Variants in PDE10A observed in about 807,000 individuals in gnomAD.
The protein encoded by PDE10A is phosphodiesterase 10A, also known as cAMP and cAMP-inhibited cGMP 3',5'-cyclic phosphodiesterase 10A.
In PDE10A, 39 loss-of-function variants were observed where a neutral mutation model predicts 97.7. The observed-to-expected ratio is 0.40, with a 90% CI of 0.31 to 0.52. The LOEUF (loss-of-function observed/expected upper bound fraction) is 0.52, where lower values mean the gene tolerates loss of function less well. Ranked by LOEUF, PDE10A falls within the 20% of genes least tolerant of loss-of-function variation. The probability of loss-of-function intolerance (pLI) is 0.56; values close to 1 mark genes in which losing one functional copy is unlikely to be tolerated. For missense variants in PDE10A, 731 were observed against 1,047.8 expected (o/e 0.70, Z 4.17); for synonymous variants, 371 against 376.8 (o/e 0.98, Z 0.18).
At chr6:165,405,219 T>C (rs1205267048) in intron 13 of PDE10A, among the ~76,000 whole-genome samples, 2 of 152,202 alleles carry the variant, frequency 1.3e-5, no homozygotes, top group Admixed American at 6.5e-5. Flanking sequence ...AGACAACTGG[T>C]GTCCTAAGGT....
intron 2 of PDE10A, among the ~76,000 whole-genome samples, chr6:165,523,145 C>T (rs954036531): frequency 6.6e-6 from 1 of 152,144 alleles, no homozygotes; most frequent in South Asian, 2.1e-4. Flanking sequence ...ACTGAAAATT[C>T]TATGCTTATG....
At chr6:165,333,394 G>A (rs1049399181) in intron 21 of PDE10A, among the ~76,000 whole-genome samples, 45 of 152,158 alleles carry the variant, frequency 3.0e-4, no homozygotes, top group Non-Finnish European at 2.6e-4. Flanking sequence ...CTCAGCATAC[G>A]TCCTTTCTTA....
At chr6:165,945,224 C>T (rs1014362476) in intron 1 of PDE10A, among the ~76,000 whole-genome samples, 17 of 152,126 alleles carry the variant, frequency 1.1e-4, no homozygotes, top group African/African-American at 3.9e-4. Flanking sequence ...AGCCATGTGC[C>T]GTGAACCACC....
At chr6:165,385,659 CA>C in intron 17 of PDE10A, among the ~76,000 whole-genome samples, 1 of 151,852 alleles carries the variant, frequency 6.6e-6, no homozygotes, top group Non-Finnish European at 1.5e-5. Flanking sequence ...TAGATGAATC[CA>C]AAAAAACACT....
intron 15 of PDE10A, among the ~76,000 whole-genome samples, chr6:165,393,430 C>T (rs970794521): frequency 6.6e-6 from 1 of 150,930 alleles, no homozygotes; most frequent in East Asian, 1.9e-4. Context: ...TTATTTAAGA[C>T]CCTACAAACT....
intron 1 of PDE10A, among the ~76,000 whole-genome samples, chr6:165,689,730 C>T (rs1791220102): frequency 6.6e-6 from 1 of 152,168 alleles, no homozygotes; most frequent in African/African-American, 2.4e-5. Flanking sequence ...GTACAGCCTC[C>T]AGAACCATGA....
chr6:165,953,361 C>T (rs558612105), intron 1 of PDE10A, among the ~76,000 whole-genome samples: 48 of 152,236 alleles, frequency 3.2e-4, no homozygotes, highest in Middle Eastern at 3.4e-3. Flanking sequence ...GAGGCCGAGG[C>T]GGGCGAATCA....
At chr6:165,369,908 A>T (rs1446911767) in intron 18 of PDE10A, among the ~76,000 whole-genome samples, 8 of 151,962 alleles carry the variant, frequency 5.3e-5, no homozygotes, top group African/African-American at 1.9e-4. Context: ...GCCAGAAGAG[A>T]GTGGGGGCCA....
intron 5 of PDE10A, among the ~76,000 whole-genome samples, chr6:165,442,100 A>T (rs754514569): frequency 6.6e-6 from 1 of 152,188 alleles, no homozygotes; most frequent in Non-Finnish European, 1.5e-5. Context: ...CACTGCTAGA[A>T]AGAACTACCT....
chr6:165,837,561 A>ATT, intron 1 of PDE10A, among the ~76,000 whole-genome samples: 2 of 152,236 alleles, frequency 1.3e-5, no homozygotes, highest in Admixed American at 1.3e-4. Context: ...TTTAGAAAAA[A>ATT]TGGATTCATC....
intron 1 of PDE10A, among the ~76,000 whole-genome samples, chr6:165,918,123 G>A (rs1017650771): frequency 6.6e-6 from 1 of 152,126 alleles, no homozygotes; most frequent in Non-Finnish European, 1.5e-5. Context: ...TTGTTTAACC[G>A]CAATGGTCTC....
At chr6:165,968,880 C>T (rs554745120) in intron 1 of PDE10A, among the ~76,000 whole-genome samples, 2 of 152,310 alleles carry the variant, frequency 1.3e-5, no homozygotes, top group South Asian at 2.1e-4. Flanking sequence ...CGGGCTTGAA[C>T]CTGCACCCTG....
At chr6:165,450,914 T>C (rs1419282028) in intron 3 of PDE10A, among the ~76,000 whole-genome samples, 1 of 152,216 alleles carries the variant, frequency 6.6e-6, no homozygotes, top group Non-Finnish European at 1.5e-5. Flanking sequence ...CCTATATATA[T>C]TAAAATAGTA....
chr6:165,393,402 AT>A (rs1785877932), intron 15 of PDE10A, among the ~76,000 whole-genome samples: 1 of 151,448 alleles, frequency 6.6e-6, no homozygotes, highest in African/African-American at 2.4e-5. Context: ...ATATTTTTAT[AT>A]TTTTTATATT....
At chr6:165,445,970 T>C (rs763536019) in intron 5 of PDE10A, among the ~76,000 whole-genome samples, 3 of 152,018 alleles carry the variant, frequency 2.0e-5, no homozygotes, top group Non-Finnish European at 4.4e-5. Context: ...AAAGTCACCA[T>C]CTGTCAGAGT....
chr6:165,353,755 A>G (rs896420529), intron 18 of PDE10A, among the ~76,000 whole-genome samples: 4 of 152,176 alleles, frequency 2.6e-5, no homozygotes, highest in Non-Finnish European at 5.9e-5. Context: ...GGCTGAGCAC[A>G]AGGGATTTTT....
At chr6:165,577,802 C>T (rs1785394322) in intron 1 of PDE10A, among the ~76,000 whole-genome samples, 2 of 152,170 alleles carry the variant, frequency 1.3e-5, no homozygotes, top group South Asian at 2.1e-4. Flanking sequence ...CTAGAAACGC[C>T]ATCCGCCCGC....
At chr6:165,617,323 C>T (rs931140108) in intron 1 of PDE10A, among the ~76,000 whole-genome samples, 2 of 152,200 alleles carry the variant, frequency 1.3e-5, no homozygotes, top group Non-Finnish European at 2.9e-5. Flanking sequence ...CGAAGTGCCA[C>T]ACTCTTAAGT....
At chr6:165,395,145 A>ACT in intron 15 of PDE10A, 36 bp downstream of exon 15, 1 of 1,346,152 alleles carries the variant, frequency 7.4e-7, no homozygotes, top group Non-Finnish European at 1.1e-6. Flanking sequence ...TATGTCACCC[A>ACT]ATATTTCAAA....
Sources: gnomAD v4.1 joint callset for allele counts (sites outside exome capture counted in the v4.1 genomes callset) on GRCh38, gnomAD v4.1.1 for gene constraint, MANE v1.5 for transcripts, NCBI Gene and HGNC (gene_info 2026-07-23, HGNC 2026-07-21) for gene names.